The following NKAIN2 variants were observed in gnomAD, a reference collection of about 807,000 sequenced individuals.
NKAIN2 encodes sodium/potassium-transporting ATPase subunit beta-1-interacting protein 2.
In NKAIN2, 14 loss-of-function variants were observed where a neutral mutation model predicts 32.6. The ratio of observed to expected loss-of-function variants is 0.43; its 90% CI spans 0.28 to 0.67. The LOEUF (loss-of-function observed/expected upper bound fraction) is 0.67, where lower values mean the gene tolerates loss of function less well. Among genes scored for constraint, NKAIN2 ranks in the 30% least tolerant of loss-of-function variants. The probability of loss-of-function intolerance (pLI) is 0.17; values close to 1 mark genes in which losing one functional copy is unlikely to be tolerated. For missense variants in NKAIN2, 198 were observed against 258.3 expected (o/e 0.77, Z 1.60); for synonymous variants, 80 against 87.2 (o/e 0.92, Z 0.46).
At chr6:124,561,178 A>T (rs1562257300) in intron 3 of NKAIN2, among the ~76,000 whole-genome samples, 1 of 152,196 alleles carries the variant, frequency 6.6e-6, no homozygotes, top group East Asian at 1.9e-4. Context: ...ACTGTAGGAG[A>T]CCTTAGGATC....
chr6:124,352,785 T>C (rs982612163), intron 2 of NKAIN2, among the ~76,000 whole-genome samples: 4 of 152,196 alleles, frequency 2.6e-5, no homozygotes. Context: ...TCTCCTTAGA[T>C]CTCTGTTCTA....
At chr6:124,760,571 T>A (rs1298049771) in intron 4 of NKAIN2, among the ~76,000 whole-genome samples, 5 of 152,090 alleles carry the variant, frequency 3.3e-5, no homozygotes, top group Admixed American at 3.3e-4. Context: ...TAGATAAGTC[T>A]ATTAATCAGC....
At chr6:124,693,940 T>A (rs1317871332) in intron 4 of NKAIN2, among the ~76,000 whole-genome samples, 1 of 152,222 alleles carries the variant, frequency 6.6e-6, no homozygotes, top group Non-Finnish European at 1.5e-5. Flanking sequence ...GCCTACTTGC[T>A]TGTAAACTGT....
intron 2 of NKAIN2, among the ~76,000 whole-genome samples, chr6:124,339,417 A>G (rs1282390273): frequency 6.6e-6 from 1 of 152,218 alleles, no homozygotes; most frequent in African/African-American, 2.4e-5. Context: ...TGAAATCTGT[A>G]GCAATGAGCA....
chr6:124,174,875 A>G (rs1317792014), intron 1 of NKAIN2, among the ~76,000 whole-genome samples: 1 of 152,176 alleles, frequency 6.6e-6, no homozygotes, highest in South Asian at 2.1e-4. Context: ...GTTGACTTAT[A>G]TATCTCTGAA....
At chr6:123,821,733 G>T (rs1773932063) in intron 1 of NKAIN2, among the ~76,000 whole-genome samples, 1 of 152,186 alleles carries the variant, frequency 6.6e-6, no homozygotes, top group African/African-American at 2.4e-5. Flanking sequence ...GGCTGTGGGA[G>T]GATGAGGGAG....
intron 4 of NKAIN2, among the ~76,000 whole-genome samples, chr6:124,774,592 A>T (rs545968407): frequency 4.7e-4 from 71 of 152,282 alleles, no homozygotes; most frequent in African/African-American, 1.7e-3. Context: ...ACGGTGGCTC[A>T]CGCCTGTAAT....
intron 1 of NKAIN2, among the ~76,000 whole-genome samples, chr6:123,975,924 G>A (rs1352145050): frequency 6.6e-6 from 1 of 151,912 alleles, no homozygotes; most frequent in Non-Finnish European, 1.5e-5. Flanking sequence ...TACATGTCGC[G>A]GGAGGGACCC....
At chr6:124,238,587 G>A (rs1447047367) in intron 1 of NKAIN2, among the ~76,000 whole-genome samples, 1 of 152,128 alleles carries the variant, frequency 6.6e-6, no homozygotes, top group Non-Finnish European at 1.5e-5. Context: ...AGCTCCCAGC[G>A]AGATCAACAC....
At chr6:124,602,810 C>G (rs545107641) in intron 3 of NKAIN2, among the ~76,000 whole-genome samples, 108 of 152,016 alleles carry the variant, frequency 7.1e-4, no homozygotes, top group African/African-American at 2.6e-3. Context: ...GAATGTAGAA[C>G]TTTCGTTTTC....
At chr6:124,284,970 G>C (rs67952885) in intron 2 of NKAIN2, among the ~76,000 whole-genome samples, 11,095 of 152,024 alleles carry the variant, frequency 0.073, 585 homozygotes, top group African/African-American at 0.14. Flanking sequence ...GAATAAAGAC[G>C]TACCACAGAT....
At chr6:123,886,552 G>A (rs1773722928) in intron 1 of NKAIN2, among the ~76,000 whole-genome samples, 1 of 152,064 alleles carries the variant, frequency 6.6e-6, no homozygotes, top group Non-Finnish European at 1.5e-5. Flanking sequence ...CCTACAACAA[G>A]CATGTTAATT....
rs56396833 is a variant in NKAIN2, at chr6:124,286,642, TTGTGTGTGTGTG to T, written c.192+3521_192+3532del. Among the ~76,000 whole-genome samples the T allele has an allele frequency of 5.5e-4, 79 of 144,488 alleles. 1 individual carries two copies. The highest frequency in any genetic ancestry group is 1.8e-3 in the African/African-American group (70 of 38,532). 94.8% of individuals were successfully genotyped at this position (144,488 alleles called of 152,430 possible). On this transcript the variant is annotated intron_variant, in intron 2 of 6. Coordinates refer to ENST00000368417, the MANE Select transcript of NKAIN2 (RefSeq NM_001040214.3). ...CCATTTTTGTTTTCTGTTTGGAAAA[TTGTGTGTGTGTG>T]TGTGTGTGTGTGTGTGTGTGCGCGC...
intron 3 of NKAIN2, among the ~76,000 whole-genome samples, chr6:124,553,722 A>G (rs2114873516): frequency 6.6e-6 from 1 of 152,346 alleles, no homozygotes. Context: ...AACTTGAAAA[A>G]TGTCATACAG....
At chr6:124,581,174 T>C (rs1206743756) in intron 3 of NKAIN2, among the ~76,000 whole-genome samples, 2 of 151,776 alleles carry the variant, frequency 1.3e-5, no homozygotes, top group Non-Finnish European at 2.9e-5. Flanking sequence ...GCGCGGTGGC[T>C]CACGCCTGTA....
intron 1 of NKAIN2, among the ~76,000 whole-genome samples, chr6:123,922,216 T>C (rs1350491104): frequency 6.6e-6 from 1 of 152,240 alleles, no homozygotes; most frequent in Admixed American, 6.5e-5. Flanking sequence ...AGCAAGTTTC[T>C]AAACTTCTCA....
chr6:124,310,853 G>A (rs1453157888), intron 2 of NKAIN2, among the ~76,000 whole-genome samples: 3 of 152,140 alleles, frequency 2.0e-5, no homozygotes, highest in African/African-American at 7.2e-5. Context: ...CAAAAGGAAG[G>A]CAGCGTGGTA....
At chr6:124,659,684 G>C (rs7758222) in intron 4 of NKAIN2, among the ~76,000 whole-genome samples, 1 of 152,016 alleles carries the variant, frequency 6.6e-6, no homozygotes, top group African/African-American at 2.4e-5. Flanking sequence ...CATCATCATG[G>C]GTTACTGTGC....
intron 3 of NKAIN2, among the ~76,000 whole-genome samples, chr6:124,649,526 C>A (rs1421975835): frequency 6.6e-6 from 1 of 152,112 alleles, no homozygotes; most frequent in Non-Finnish European, 1.5e-5. Context: ...GTGGATTCTA[C>A]CAAACACGTA....
Sources: allele counts gnomAD v4.1 joint callset (sites outside exome capture counted in the v4.1 genomes callset), GRCh38; gene constraint gnomAD v4.1.1; transcripts MANE v1.5; gene names NCBI Gene and HGNC (gene_info 2026-07-23, HGNC 2026-07-21).